The following PCDHGC5 variants were observed in gnomAD, a reference collection of about 807,000 sequenced individuals.
The protein encoded by PCDHGC5 is protocadherin gamma subfamily C, 5.
Under a neutral mutation model 59.0 loss-of-function variants are expected in PCDHGC5, and 25 were observed. That is an observed-to-expected ratio of 0.42 (90% CI 0.31 to 0.59). The LOEUF (loss-of-function observed/expected upper bound fraction) is 0.59, where lower values mean the gene tolerates loss of function less well. Ranked by LOEUF, PCDHGC5 falls within the 20% of genes least tolerant of loss-of-function variation. The pLI is 0.13. For synonymous variants in PCDHGC5, 434 were observed against 505.5 expected, an observed-to-expected ratio of 0.86 and a Z score of 1.90; for missense variants, 1,067 against 1,206.4, an observed-to-expected ratio of 0.88 and a Z score of 1.71.
chr5:141,503,260 C>A (rs2154593294), intron 2 of PCDHGC5, among the ~76,000 whole-genome samples: 1 of 152,178 alleles, frequency 6.6e-6, no homozygotes, highest in African/African-American at 2.4e-5. Flanking sequence ...ACAGCCACAA[C>A]CCCAGCACCT....
intron 3 of PCDHGC5, among the ~76,000 whole-genome samples, chr5:141,509,429 T>G (rs2099876771): frequency 6.6e-6 from 1 of 151,964 alleles, no homozygotes; most frequent in Non-Finnish European, 1.5e-5. Context: ...TGAGTCAAAC[T>G]CTTGTTTCCT....
chr5:141,500,309 C>T (rs777434466), intron 2 of PCDHGC5, among the ~76,000 whole-genome samples: 2 of 151,602 alleles, frequency 1.3e-5, no homozygotes, highest in Non-Finnish European at 2.9e-5. Flanking sequence ...CCCAGGTTCA[C>T]GCCATGCTCC....
chr5:141,490,374 C>T lies in PCDHGC5; in HGVS notation c.1134C>T (p.Asp378=), dbSNP rs1452417604. 1.2e-6 allele frequency: 2 copies of T among 1,614,082 alleles called. No homozygotes were observed. Among genetic ancestry groups the T allele is most frequent in the Middle Eastern group, 1.6e-4 (1 of 6,084 alleles). ...VVGLFNVRDR[D]SGRNGEVSLD... ...GGTTGTTTAATGTGCGAGACCGGGA[C>T]TCAGGTAGAAATGGTGAAGTGAGCC... The change falls in exon 1 of 4, where the codon GAC becomes GAT. Residue 378 remains aspartate, a synonymous_variant. Coordinates refer to ENST00000252087, the MANE Select transcript of PCDHGC5 (RefSeq NM_018929.3). This position sits in a 1 kb window ranked among gnomAD's most constrained non-coding sequence, Gnocchi z 5.4.
At chr5:141,500,619 G>A (rs1230172485) in intron 2 of PCDHGC5, among the ~76,000 whole-genome samples, 1 of 152,072 alleles carries the variant, frequency 6.6e-6, no homozygotes, top group East Asian at 1.9e-4. Context: ...CCAGTCATAC[G>A]GTACATTTCC....
chr5:141,491,901 G>C lies in PCDHGC5; in HGVS notation c.2460+201G>C, dbSNP rs1196717010. 1 of 1,429,696 alleles carries C rather than the reference G, an allele frequency of 7.0e-7. No homozygotes were observed. The highest frequency in any genetic ancestry group is 9.3e-7 in the Non-Finnish European group (1 of 1,080,148). 88.6% of individuals were successfully genotyped at this position (1,429,696 alleles called of 1,614,324 possible). ...AAGGGATGGGGCTCCGAGCACCGGG[G>C]GTGGTGGCGACTGTGGGCGAGGGGA... On this transcript the variant is annotated intron_variant, in intron 1 of 3. Transcript: ENST00000252087. The surrounding 1 kb of genome is among the most constrained non-coding windows in gnomAD (Gnocchi z 6.9).
chr5:141,490,229 T>C lies in PCDHGC5; in HGVS notation c.989T>C (p.Met330Thr). The C allele has an allele frequency of 6.2e-7, 1 of 1,614,198 alleles. No individual in the cohort carries two copies. Among genetic ancestry groups the C allele is most frequent in the Non-Finnish European group, 8.5e-7 (1 of 1,180,034 alleles). Residue 330 changes from methionine (M) to threonine (T), a missense_variant, in exon 1 of 4, where the codon ATG becomes ACG. By Grantham distance (81) the Met-to-Thr change is moderately conservative. Coordinates refer to ENST00000252087, the MANE Select transcript of PCDHGC5 (RefSeq NM_018929.3). The surrounding 1 kb of genome is among the most constrained non-coding windows in gnomAD (Gnocchi z 5.4). Reference protein sequence around the residue: ...ARARDQGQPAMEGHCVIQVDV... With the variant: ...ARARDQGQPATEGHCVIQVDV... ...GCCCGTGACCAGGGACAGCCTGCCA[T>C]GGAGGGCCACTGTGTGATTCAAGTG... is the stretch of plus-strand genomic sequence containing the variant.
At chr5:141,492,063 C>T in intron 1 of PCDHGC5, 1 of 481,160 alleles carries the variant, frequency 2.1e-6, no homozygotes, top group African/African-American at 2.0e-5. Flanking sequence ...CAGCCAGCCT[C>T]CTAGGCGCCG....
At chr5:141,504,182 C>A (rs2099836345) in intron 2 of PCDHGC5, among the ~76,000 whole-genome samples, 1 of 152,234 alleles carries the variant, frequency 6.6e-6, no homozygotes, top group Non-Finnish European at 1.5e-5. Context: ...TCAAAAAAAT[C>A]ATGAAAATTG....
rs1487863444 is a variant in PCDHGC5 at position 141,491,016 on chromosome 5, G to A, written c.1776G>A (p.Val592=). The change falls in exon 1 of 4, where the codon GTG becomes GTA. Residue 592 remains valine (V), a synonymous_variant. Transcript: ENST00000252087. This position sits in a 1 kb window ranked among gnomAD's most constrained non-coding sequence, Gnocchi z 6.9. ...CTCCTGGCTCCTTGGTCACCAAGGTGACAGCCGTGGATGCTGATGCAGGCC... is the reference window on the plus strand; with the variant it reads ...CTCCTGGCTCCTTGGTCACCAAGGTAACAGCCGTGGATGCTGATGCAGGCC... The part of the protein sequence containing the change: ...SAPPGSLVTK[V]TAVDADAGHN... 2.5e-6 allele frequency: 4 copies of A among 1,614,136 alleles called. No individual in the cohort carries two copies. The African/African-American group carries it at 5.3e-5, about 22-fold the overall frequency.
At chr5:141,505,816 C>A (rs1236221927) in intron 3 of PCDHGC5, among the ~76,000 whole-genome samples, 2 of 152,178 alleles carry the variant, frequency 1.3e-5, no homozygotes, top group African/African-American at 4.8e-5. Flanking sequence ...CTTGCTCAAT[C>A]TCTCTAAACC....
rs1460703461 is a variant in PCDHGC5 at position 141,490,596 on chromosome 5, C to G, written c.1356C>G (p.Pro452=). 2.5e-6 allele frequency: 4 copies of G among 1,614,052 alleles called. No homozygotes were observed. The African/African-American group carries it at 4.0e-5, about 16-fold the overall frequency. Residue 452 remains proline, a synonymous_variant, in exon 1 of 4, where the codon CCC becomes CCG. Transcript: ENST00000252087. The surrounding 1 kb of genome is among the most constrained non-coding windows in gnomAD (Gnocchi z 5.4). ...LNISDVNDNA[P]RFNQQLYTAY... is the part of the protein sequence containing the mutation. Reference sequence around the variant, plus strand: ...TTTCAGATGTCAATGACAATGCACCCCGCTTCAACCAGCAGCTTTACACTG... The same window carrying G: ...TTTCAGATGTCAATGACAATGCACCGCGCTTCAACCAGCAGCTTTACACTG...
Position 141,489,934 on chromosome 5 carries a change from G to A in PCDHGC5, c.694G>A (p.Val232Met), listed in dbSNP as rs777780708. 1.7e-5 allele frequency: 28 copies of A among 1,614,176 alleles called. No homozygotes were observed. Among genetic ancestry groups the A allele is most frequent in the East Asian group, 6.7e-5 (3 of 44,876 alleles). The change falls in exon 1 of 4, where the codon GTG becomes ATG. Residue 232 changes from valine to methionine, a missense_variant. By Grantham distance (21) the Val-to-Met change is conservative. Coordinates refer to ENST00000252087, the MANE Select transcript of PCDHGC5 (RefSeq NM_018929.3). This position sits in a 1 kb window ranked among gnomAD's most constrained non-coding sequence, Gnocchi z 4.5. ...AGGGACCACCCTTATCTCTGTCATCGTGCTGGACATCAATGATAATGCTCC... is the reference window on the plus strand; with the variant it reads ...AGGGACCACCCTTATCTCTGTCATCATGCTGGACATCAATGATAATGCTCC... The part of the protein sequence containing the change: ...RSGTTLISVI[V>M]LDINDNAPTF...
At chr5:141,510,677 A>G (rs2099882239) in intron 3 of PCDHGC5, among the ~76,000 whole-genome samples, 2 of 152,212 alleles carry the variant, frequency 1.3e-5, no homozygotes, top group African/African-American at 4.8e-5. Context: ...CTGAAGTGGC[A>G]TAAGGAGGTT....
At chr5:141,500,241 C>T (rs1284996879) in intron 2 of PCDHGC5, among the ~76,000 whole-genome samples, 18 of 150,770 alleles carry the variant, frequency 1.2e-4, no homozygotes, top group Non-Finnish European at 1.5e-5. Flanking sequence ...CGTAGCCTTG[C>T]TCTGTCACCC....
intron 2 of PCDHGC5, among the ~76,000 whole-genome samples, chr5:141,499,800 C>A (rs2099794584): frequency 6.6e-6 from 1 of 150,704 alleles, no homozygotes; most frequent in Admixed American, 6.7e-5. Context: ...AATTCTCATG[C>A]TTCAGCCTCC....
rs753051237 is a variant in PCDHGC5, at chr5:141,490,422, A to G, written c.1182A>G (p.Pro394=). Residue 394 remains proline (P), a synonymous_variant, in exon 1 of 4, where the codon CCA becomes CCG. Coordinates refer to ENST00000252087, the MANE Select transcript of PCDHGC5 (RefSeq NM_018929.3). This position sits in a 1 kb window ranked among gnomAD's most constrained non-coding sequence, Gnocchi z 5.4. Reference sequence around the variant, plus strand: ...GCCTTGATATCTCTCCGGACCTGCCATTTCAGATTAAGCCTTCTGAGAACC... The same window carrying G: ...GCCTTGATATCTCTCCGGACCTGCCGTTTCAGATTAAGCCTTCTGAGAACC... ...EVSLDISPDL[P]FQIKPSENHY... is the part of the protein sequence containing the mutation. 1 of 1,614,178 alleles carries G rather than the reference A, an allele frequency of 6.2e-7. No individual in the cohort carries two copies. The highest frequency in any genetic ancestry group is 1.7e-5 in the Admixed American group (1 of 60,030).
In PCDHGC5 at chr5:141,502,866, C is replaced by CTTTTTTTTTTTTTTTTT. The variant is rs549047197; in HGVS notation, c.2520-2513_2520-2512insTTTTTTTTTTTTTTTTT. Among the ~76,000 whole-genome samples the CTTTTTTTTTTTTTTTTT allele has an allele frequency of 3.1e-5, 4 of 128,046 alleles. 1 individual carries two copies. 84.0% of individuals were successfully genotyped at this position (128,046 alleles called of 152,430 possible). A position where few individuals can be genotyped will look rare whatever the true frequency, so the allele number is the denominator to read the frequency against. ...GAGCTGCCTAACCCTGACTCTCTGTCTTTTTTTTTTTTTTGACAGGGAGTC... is the reference window on the plus strand; with the variant it reads ...GAGCTGCCTAACCCTGACTCTCTGTCTTTTTTTTTTTTTTTTTTTTTTTTTTTTTTTGACAGGGAGTC... On this transcript the variant is annotated intron_variant, in intron 2 of 3. Transcript: ENST00000252087.
In PCDHGC5 at chr5:141,491,105, C is replaced by T; in HGVS notation, c.1865C>T (p.Ser622Phe). ...ACAGCCCCAGGACTGTTCCTCGTGTCTACACACACTGGTGAGGTGCGCACA... is the reference window on the plus strand; with the variant it reads ...ACAGCCCCAGGACTGTTCCTCGTGTTTACACACACTGGTGAGGTGCGCACA... ...QSTAPGLFLV[S>F]THTGEVRTAR... The change falls in exon 1 of 4, where the codon TCT becomes TTT. Residue 622 changes from serine (S) to phenylalanine (F), a missense_variant. Physicochemically the swap from Ser to Phe is radical, Grantham distance 155. Transcript: ENST00000252087. This position sits in a 1 kb window ranked among gnomAD's most constrained non-coding sequence, Gnocchi z 6.9. 1 of 1,614,222 alleles carries T rather than the reference C, an allele frequency of 6.2e-7. No individual in the cohort carries two copies. Among genetic ancestry groups the T allele is most frequent in the Non-Finnish European group, 8.5e-7 (1 of 1,180,032 alleles).
In PCDHGC5 at chr5:141,491,907, G is replaced by A; in HGVS notation, c.2460+207G>A. 5 of 1,408,726 alleles carry A rather than the reference G, an allele frequency of 3.5e-6. No homozygotes were observed. In the South Asian group the frequency reaches 7.5e-5, roughly 21 times the overall value. The allele number at this position is 1,408,726 out of a possible 1,614,324, so 87.3% of individuals were successfully genotyped here. A position where few individuals can be genotyped will look rare whatever the true frequency, so the allele number is the denominator to read the frequency against. ...TGGGGCTCCGAGCACCGGGGGTGGTGGCGACTGTGGGCGAGGGGAGGTGGG... is the reference window on the plus strand; with the variant it reads ...TGGGGCTCCGAGCACCGGGGGTGGTAGCGACTGTGGGCGAGGGGAGGTGGG... On this transcript the variant is annotated intron_variant, in intron 1 of 3. Coordinates refer to ENST00000252087, the MANE Select transcript of PCDHGC5 (RefSeq NM_018929.3). This position sits in a 1 kb window ranked among gnomAD's most constrained non-coding sequence, Gnocchi z 6.9.
Sources: gnomAD v4.1 joint callset for allele counts (sites outside exome capture counted in the v4.1 genomes callset) on GRCh38, gnomAD v4.1.1 for gene constraint, Gnocchi (gnomAD v3.1) non-coding constraint, MANE v1.5 for transcripts, NCBI Gene and HGNC (gene_info 2026-07-23, HGNC 2026-07-21) for gene names.